Variants in PCDHGA1 observed in about 807,000 individuals in gnomAD.
The protein encoded by PCDHGA1 is protocadherin gamma subfamily A, 1.
A neutral mutation model predicts 58.0 loss-of-function variants in PCDHGA1; 32 were observed. That is an observed-to-expected ratio of 0.55 (90% confidence interval 0.42 to 0.74). PCDHGA1 has a LOEUF of 0.74. Ranked by LOEUF, PCDHGA1 falls within the 30% of genes least tolerant of loss-of-function variation. The pLI is 0.00. For synonymous variants in PCDHGA1, 498 were observed against 501.1 expected (o/e 0.99, Z 0.08); for missense variants, 1,205 against 1,182.3 (o/e 1.02, Z -0.28).
In PCDHGA1 at chr5:141,431,779, G is replaced by A; in HGVS notation, c.2422-63028G>A. 2 of 1,614,232 alleles carry A rather than the reference G, an allele frequency of 1.2e-6. No individual in the cohort carries two copies. Among genetic ancestry groups the A allele is most frequent in the Non-Finnish European group, 1.7e-6 (2 of 1,180,030 alleles). ...AAGTCCTGATCACTGTTCTGGACGT[G>A]AACGACAATGCCCCAGAAGTGGTCC... On this transcript the variant is annotated intron_variant, in intron 1 of 3. Transcript: ENST00000517417. This position sits in a 1 kb window ranked among gnomAD's most constrained non-coding sequence, Gnocchi z 4.8.
At chr5:141,507,429 G>C (rs1191174823) in intron 3 of PCDHGA1, 3 of 152,238 alleles carry the variant, frequency 2.0e-5, no homozygotes, top group African/African-American at 7.2e-5. Flanking sequence ...AGTGGGGCCA[G>C]GCCTACAGCT....
At chr5:141,371,542 T>A in intron 1 of PCDHGA1, 1 of 1,613,786 alleles carries the variant, frequency 6.2e-7, no homozygotes, top group Non-Finnish European at 8.5e-7. Flanking sequence ...GGAGAAATCC[T>A]ATGCCAACTA....
intron 1 of PCDHGA1, chr5:141,423,684 T>G (rs201506477): frequency 6.6e-7 from 1 of 1,524,756 alleles, no homozygotes; most frequent in Non-Finnish European, 8.8e-7. Context: ...CTCTGCCTCC[T>G]AATTGTTGGT....
In PCDHGA1 at chr5:141,345,040, C is replaced by T. The variant is rs749420304; in HGVS notation, c.2421+11935C>T. 51 of 1,613,942 alleles carry T rather than the reference C, an allele frequency of 3.2e-5. 1 individual carries two copies. The South Asian group carries it at 4.3e-4, about 14-fold the overall frequency. On this transcript the variant is annotated intron_variant, in intron 1 of 3. Coordinates refer to ENST00000517417, the MANE Select transcript of PCDHGA1 (RefSeq NM_018912.3). The stretch of plus-strand genomic sequence containing the variant: ...CTTTCAAGAGCCAAGATTCTAGTCA[C>T]GGTTCTGGATGTGAATGACAATGCT...
intron 1 of PCDHGA1, chr5:141,356,664 T>A: frequency 6.2e-7 from 1 of 1,613,996 alleles, no homozygotes; most frequent in Non-Finnish European, 8.5e-7. Flanking sequence ...CCCGAATCAC[T>A]TACTCCCTGG....
intron 3 of PCDHGA1, among the ~76,000 whole-genome samples, chr5:141,509,880 T>C (rs1475661741): frequency 6.6e-6 from 1 of 152,184 alleles, no homozygotes; most frequent in African/African-American, 2.4e-5. Flanking sequence ...CTGGTGGTGA[T>C]GGTGACTGAC....
intron 1 of PCDHGA1, chr5:141,344,226 C>T: frequency 1.2e-6 from 2 of 1,614,026 alleles, no homozygotes; most frequent in South Asian, 1.1e-5. Flanking sequence ...GCGCGGAGTC[C>T]GCATCGTCTC....
intron 1 of PCDHGA1, chr5:141,361,539 C>G (rs754978831): frequency 3.1e-6 from 5 of 1,614,028 alleles, no homozygotes; most frequent in Non-Finnish European, 4.2e-6. Flanking sequence ...ATCCTCCTGG[C>G]GCCTCTATCG....
At chr5:141,395,545 TGTGTGTGTGTGTG>T (rs1440813594) in intron 1 of PCDHGA1, 2 of 174,840 alleles carry the variant, frequency 1.1e-5, no homozygotes, top group Admixed American at 1.3e-4. Flanking sequence ...CTATTGTTTG[TGTGTGTGTGTGTG>T]TGTGTGTGTG....
chr5:141,492,320 G>T (rs1001784912), intron 1 of PCDHGA1, among the ~76,000 whole-genome samples: 1 of 152,206 alleles, frequency 6.6e-6, no homozygotes, highest in Non-Finnish European at 1.5e-5. Context: ...CTCCTCGCAC[G>T]TGGGCTTACG....
At position 141,399,158 on chromosome 5, in the gene PCDHGA1, C is replaced by T. The variant is rs575806440; in HGVS notation, c.2421+66053C>T. 17 of 1,613,790 alleles carry T rather than the reference C, an allele frequency of 1.1e-5. No homozygotes were observed. The East Asian group carries it at 2.9e-4, about 27-fold the overall frequency. On this transcript the variant is annotated intron_variant, in intron 1 of 3. Transcript: ENST00000517417. The stretch of plus-strand genomic sequence containing the variant: ...GAAAATGACAATAGCCCAGAAGTTA[C>T]ATTCCATTCTCTACTTGAAATGATT...
intron 1 of PCDHGA1, among the ~76,000 whole-genome samples, chr5:141,368,280 A>G (rs778182605): frequency 2.6e-5 from 4 of 152,160 alleles, no homozygotes; most frequent in African/African-American, 7.2e-5. Context: ...ACCTAAGACC[A>G]CTTGATTTTT....
At chr5:141,496,844 T>G (rs1275272674) in intron 2 of PCDHGA1, among the ~76,000 whole-genome samples, 2 of 150,852 alleles carry the variant, frequency 1.3e-5, no homozygotes, top group Non-Finnish European at 2.9e-5. Context: ...CTCATAGGCT[T>G]CCAGACCAGC....
intron 1 of PCDHGA1, chr5:141,409,553 G>T: frequency 6.2e-7 from 1 of 1,613,972 alleles, no homozygotes; most frequent in Non-Finnish European, 8.5e-7. Context: ...CAACGCCCCA[G>T]TTTTCGACCA....
intron 1 of PCDHGA1, chr5:141,352,757 A>AG: frequency 1.5e-6 from 2 of 1,333,708 alleles, no homozygotes; most frequent in Non-Finnish European, 2.1e-6. Flanking sequence ...AACCAGGCTG[A>AG]GGCAGGTGGA....
intron 1 of PCDHGA1, chr5:141,387,746 C>T (rs1051013306): frequency 1.5e-6 from 2 of 1,365,936 alleles, no homozygotes; most frequent in Non-Finnish European, 9.8e-7. Flanking sequence ...ACACCGCTTC[C>T]TCCTCGGAAA....
At position 141,432,349 on chromosome 5, in the gene PCDHGA1, G is replaced by T; in HGVS notation, c.2422-62458G>T. On this transcript the variant is annotated intron_variant, in intron 1 of 3. Transcript: ENST00000517417. This position sits in a 1 kb window ranked among gnomAD's most constrained non-coding sequence, Gnocchi z 6.0. Reference sequence around the variant, plus strand: ...ACGAGCAGTTCCGAGACTTGCAAGTGAAAGTGATGGCGCGGGACAACGGGC... The same window carrying T: ...ACGAGCAGTTCCGAGACTTGCAAGTTAAAGTGATGGCGCGGGACAACGGGC... 4 of 1,614,240 alleles carry T rather than the reference G, an allele frequency of 2.5e-6. No homozygotes were observed. Among genetic ancestry groups the T allele is most frequent in the Non-Finnish European group, 1.7e-6 (2 of 1,180,046 alleles).
At chr5:141,478,733 T>C (rs1562072874) in intron 1 of PCDHGA1, 8 of 1,537,128 alleles carry the variant, frequency 5.2e-6, no homozygotes, top group Non-Finnish European at 7.0e-6. Context: ...AGAGTGTGGT[T>C]TGTGGTCCCA....
chr5:141,421,235 A>G (rs1375447356), intron 1 of PCDHGA1: 3 of 1,594,470 alleles, frequency 1.9e-6, no homozygotes, highest in East Asian at 2.2e-5. Context: ...GCCATGGCGA[A>G]TCGGCTACAG....
Sources: gnomAD v4.1 joint callset for allele counts (sites outside exome capture counted in the v4.1 genomes callset) on GRCh38, gnomAD v4.1.1 for gene constraint, Gnocchi (gnomAD v3.1) non-coding constraint, MANE v1.5 for transcripts, NCBI Gene and HGNC (gene_info 2026-07-23, HGNC 2026-07-21) for gene names.